EPG5: variants seen among roughly 807,000 people sequenced by gnomAD.
The protein encoded by EPG5 is ectopic P granules protein 5 homolog.
EPG5 carries 159 observed loss-of-function variants against 302.7 expected under a neutral mutation model. The ratio of observed to expected loss-of-function variants is 0.53; its 90% confidence interval spans 0.46 to 0.60. EPG5 has a LOEUF of 0.60. Among genes scored for constraint, EPG5 ranks in the 20% least tolerant of loss-of-function variants. The pLI, the probability that EPG5 is intolerant of heterozygous loss-of-function variation, is 0.00. For missense variants in EPG5, 2,896 were observed against 3,092.4 expected (o/e 0.94, Z 1.51); for synonymous variants, 1,158 against 1,136.8 (o/e 1.02, Z -0.37).
At chr18:45,923,464 G>T in intron 14 of EPG5, 77 bp from the exon 15 acceptor site, 1 of 1,452,576 alleles carries the variant, frequency 6.9e-7, no homozygotes, top group South Asian at 1.2e-5. Flanking sequence ...CAAAACATTA[G>T]GCAGAATAGT....
At chr18:45,877,455 GA>G (rs1245277694) in intron 34 of EPG5, among the ~76,000 whole-genome samples, 1 of 151,914 alleles carries the variant, frequency 6.6e-6, no homozygotes, top group African/African-American at 2.4e-5. Context: ...ATCTGGTCTA[GA>G]AAACTCAATA....
chr18:45,889,314 C>T (rs151249017), intron 28 of EPG5, among the ~76,000 whole-genome samples: 2 of 152,372 alleles, frequency 1.3e-5, no homozygotes, highest in African/African-American at 2.4e-5. Context: ...AAGTTCACAA[C>T]CACACTTGAG....
chr18:45,935,171 C>T (rs2050491084), intron 10 of EPG5, among the ~76,000 whole-genome samples: 1 of 152,194 alleles, frequency 6.6e-6, no homozygotes. Context: ...GTTCTAACCA[C>T]AACAATGTGT....
chr18:45,950,491 G>A (rs758336741), intron 4 of EPG5, among the ~76,000 whole-genome samples: 11 of 152,270 alleles, frequency 7.2e-5, no homozygotes, highest in Non-Finnish European at 1.3e-4. Flanking sequence ...CACCATGTAC[G>A]AAGTGCCTTT....
At chr18:45,840,168 G>A in the EPG5 span, 3 of 1,610,228 alleles carry the variant, frequency 1.9e-6, no homozygotes, top group African/African-American at 4.0e-5. Context: ...GCTGCAGACT[G>A]CGGTGGAGAT....
chr18:45,902,229 C>T (rs1465688722), intron 25 of EPG5, among the ~76,000 whole-genome samples: 1 of 152,140 alleles, frequency 6.6e-6, no homozygotes, highest in East Asian at 1.9e-4. Flanking sequence ...ATTGTTTGTA[C>T]CCCAAACAGA....
At chr18:45,863,189 G>T (rs2048671667) in intron 39 of EPG5, among the ~76,000 whole-genome samples, 1 of 152,084 alleles carries the variant, frequency 6.6e-6, no homozygotes, top group Non-Finnish European at 1.5e-5. Flanking sequence ...TTAGGCTTTT[G>T]ATGTATTTCT....
At chr18:45,888,731 C>A (rs564826187) in intron 28 of EPG5, among the ~76,000 whole-genome samples, 1 of 152,214 alleles carries the variant, frequency 6.6e-6, no homozygotes, top group African/African-American at 2.4e-5. Flanking sequence ...TGAGCCACTG[C>A]ATCTGGCCGA....
In EPG5 at chr18:45,898,865, G is replaced by A. The variant is rs8096774; in HGVS notation, c.4809+539C>T. The stretch of plus-strand genomic sequence containing the variant: ...ATTGAGACCGGACGCGGTGGCTCAC[G>A]CCTGTAATGCCAGCACTTTGGGAGG... On this transcript the variant is annotated intron_variant, in intron 27 of 43. Coordinates refer to ENST00000282041, the MANE Select transcript of EPG5 (RefSeq NM_020964.3). Among the ~76,000 whole-genome samples, 808 of 152,294 alleles carry A rather than the reference G, an allele frequency of 5.3e-3. 10 individuals are homozygous for A. Among genetic ancestry groups the A allele is most frequent in the African/African-American group, 0.018 (767 of 41,560 alleles).
chr18:45,913,854 G>A (rs1235604259), intron 20 of EPG5, 26 bp from the exon 21 acceptor site: 3 of 1,609,406 alleles, frequency 1.9e-6, no homozygotes, highest in Admixed American at 1.7e-5. Context: ...ATAAAGGGGA[G>A]GGGAAGGAGG....
At chr18:45,918,094 A>G (rs2050073382) in intron 16 of EPG5, among the ~76,000 whole-genome samples, 1 of 152,196 alleles carries the variant, frequency 6.6e-6, no homozygotes, top group Non-Finnish European at 1.5e-5. Flanking sequence ...TGAGAACGCC[A>G]GTTTGCAAAT....
At chr18:45,953,494 G>T in intron 2 of EPG5, 1 of 985,308 alleles carries the variant, frequency 1.0e-6, no homozygotes. Context: ...ATAGGGGAAT[G>T]ACATGTTTCT....
the EPG5 span, among the ~76,000 whole-genome samples, chr18:45,818,509 T>A: frequency 1.3e-5 from 2 of 152,204 alleles, no homozygotes; most frequent in African/African-American, 4.8e-5. Flanking sequence ...TGTTTGCCAG[T>A]CTGATAGGTG....
At chr18:45,857,675 T>C (rs1252158580) in intron 42 of EPG5, 178 bp downstream of exon 42, 2 of 565,420 alleles carry the variant, frequency 3.5e-6, no homozygotes, top group East Asian at 2.9e-5. Context: ...AAAATGCTTT[T>C]TAGAATGTAA....
At chr18:45,810,755 T>C in the EPG5 span, among the ~76,000 whole-genome samples, 1 of 152,138 alleles carries the variant, frequency 6.6e-6, no homozygotes, top group Non-Finnish European at 1.5e-5. Context: ...CACCCTAGCC[T>C]AGGTGACAGA....
intron 30 of EPG5, among the ~76,000 whole-genome samples, chr18:45,883,019 A>G (rs1049991526): frequency 2.6e-5 from 4 of 151,818 alleles, no homozygotes; most frequent in African/African-American, 9.7e-5. Context: ...CAACAAAAAA[A>G]AAAAAAAAAA....
intron 27 of EPG5, among the ~76,000 whole-genome samples, chr18:45,897,484 T>C (rs2049505293): frequency 6.6e-6 from 1 of 152,196 alleles, no homozygotes; most frequent in African/African-American, 2.4e-5. Context: ...ATTGGCAAAC[T>C]TTTCTCCCAG....
the EPG5 span, chr18:45,825,471 G>A: frequency 1.8e-6 from 1 of 556,174 alleles, no homozygotes; most frequent in South Asian, 2.5e-5. Flanking sequence ...CCTGTTTCCT[G>A]TCCTGGAAAA....
chr18:45,837,907 G>C, the EPG5 span: 2 of 1,487,116 alleles, frequency 1.3e-6, no homozygotes, highest in Non-Finnish European at 1.8e-6. Context: ...GCGAGGCGGC[G>C]TGGGAGCGGG....
Sources: allele counts gnomAD v4.1 joint callset (sites outside exome capture counted in the v4.1 genomes callset), GRCh38; gene constraint gnomAD v4.1.1; transcripts MANE v1.5; gene names NCBI Gene and HGNC (gene_info 2026-07-23, HGNC 2026-07-21).